Variants in PDE1C observed in about 807,000 individuals in gnomAD.
The protein encoded by PDE1C is phosphodiesterase 1C, also known as dual specificity calcium/calmodulin-dependent 3',5'-cyclic nucleotide phosphodiesterase 1C.
A neutral mutation model predicts 93.1 loss-of-function variants in PDE1C; 62 were observed. The observed-to-expected ratio is 0.67, with a 90% confidence interval of 0.54 to 0.82. The LOEUF is 0.82. PDE1C is among the 40% of genes least tolerant of loss of function. PDE1C has a pLI of 0.00. For missense variants in PDE1C, 742 were observed against 884.6 expected (o/e 0.84, Z 2.04); for synonymous variants, 325 against 310.1 (o/e 1.05, Z -0.50).
intron 3 of PDE1C, among the ~76,000 whole-genome samples, chr7:32,085,048 A>G (rs1291381475): frequency 1.3e-4 from 18 of 134,162 alleles, no homozygotes. Flanking sequence ...CCTTCAAAAA[A>G]TTAATGAATC....
Position 32,377,790 on chromosome 7 carries a change from C to T in PDE1C, c.310+50032G>A, listed in dbSNP as rs905813618. ...ATTTAAATTCAGGTCGGTCTAGTTA[C>T]AAAATTCATGCCCTCCGCCACTATA... On this transcript the variant is annotated intron_variant, in intron 1 of 1. Transcript: ENST00000672256. 2.0e-5 allele frequency among the ~76,000 whole-genome samples: 3 copies of T among 152,042 alleles called. No homozygotes were observed. The East Asian group carries it at 5.8e-4, about 30-fold the overall frequency.
At chr7:32,020,406 T>G (rs563309143) in intron 2 of PDE1C, among the ~76,000 whole-genome samples, 1 of 151,598 alleles carries the variant, frequency 6.6e-6, no homozygotes, top group African/African-American at 2.4e-5. Flanking sequence ...GAAAAAAAAA[T>G]TTTTTTAAGG....
At chr7:32,355,528 C>CCT (rs58439301) in intron 1 of PDE1C, among the ~76,000 whole-genome samples, 38,884 of 151,938 alleles carry the variant, frequency 0.26, 5,500 homozygotes, top group East Asian at 0.53. Context: ...AATCTTTCTC[C>CCT]GTTTCTGCTT....
the PDE1C span, among the ~76,000 whole-genome samples, chr7:31,662,963 A>G: frequency 5.3e-5 from 8 of 152,286 alleles, no homozygotes; most frequent in African/African-American, 4.8e-5. Context: ...TGCAGGATGT[A>G]GTCTTAACTC....
intron 2 of PDE1C, among the ~76,000 whole-genome samples, chr7:32,010,342 T>A (rs1029503072): frequency 6.6e-6 from 1 of 152,140 alleles, no homozygotes. Context: ...CATACACACA[T>A]GAATAGAAAA....
intron 2 of PDE1C, among the ~76,000 whole-genome samples, chr7:31,973,548 A>G (rs6957598): frequency 0.59 from 89,974 of 152,050 alleles, 26,709 homozygotes; most frequent in Middle Eastern, 0.68. Flanking sequence ...GGATAGAATT[A>G]TAACACAATA....
intron 14 of PDE1C, among the ~76,000 whole-genome samples, chr7:31,818,694 A>G (rs544458364): frequency 6.6e-6 from 1 of 152,292 alleles, no homozygotes; most frequent in East Asian, 1.9e-4. Context: ...TTTTTACTAC[A>G]GAGTGGGAAA....
chr7:32,206,325 G>A (rs958585790), intron 2 of PDE1C, among the ~76,000 whole-genome samples: 3 of 152,154 alleles, frequency 2.0e-5, no homozygotes, highest in Admixed American at 6.5e-5. Flanking sequence ...TTCAATCAGC[G>A]TTTTTCTCTA....
At chr7:31,953,540 C>T (rs187181803) in intron 2 of PDE1C, among the ~76,000 whole-genome samples, 249 of 152,300 alleles carry the variant, frequency 1.6e-3, no homozygotes, top group Admixed American at 5.0e-3. Flanking sequence ...GAAGACTCTG[C>T]TTGCTGGATT....
chr7:31,796,522 G>A (rs552954270), intron 16 of PDE1C, among the ~76,000 whole-genome samples: 3 of 151,672 alleles, frequency 2.0e-5, no homozygotes, highest in South Asian at 2.1e-4. Flanking sequence ...TGAAATGGAC[G>A]TTTATTACCA....
chr7:32,415,875 A>C (rs1785266434), intron 1 of PDE1C, among the ~76,000 whole-genome samples: 1 of 152,222 alleles, frequency 6.6e-6, no homozygotes, highest in Admixed American at 6.5e-5. Flanking sequence ...CCTGCAAAAG[A>C]AGAGTGCCCC....
chr7:31,756,574 T>C (rs10215801), intron 17 of PDE1C, among the ~76,000 whole-genome samples: 48,723 of 151,754 alleles, frequency 0.32, 8,546 homozygotes, highest in African/African-American at 0.46. Context: ...TTAAATAAAG[T>C]AGGAACTTCA....
chr7:32,304,813 A>T (rs1173525086), intron 1 of PDE1C, among the ~76,000 whole-genome samples: 1 of 152,162 alleles, frequency 6.6e-6, no homozygotes, highest in African/African-American at 2.4e-5. Flanking sequence ...GACTCAACCC[A>T]TAGTAAACAT....
At chr7:31,710,639 G>A in the PDE1C span, among the ~76,000 whole-genome samples, 1 of 152,162 alleles carries the variant, frequency 6.6e-6, no homozygotes, top group South Asian at 2.1e-4. Flanking sequence ...AGAATAAGAG[G>A]CTGGTTACAT....
chr7:31,988,349 A>G (rs923240418), intron 2 of PDE1C, among the ~76,000 whole-genome samples: 2 of 152,236 alleles, frequency 1.3e-5, no homozygotes, highest in Non-Finnish European at 2.9e-5. Context: ...ACCAAAGGTA[A>G]TAATGCCAAC....
chr7:31,930,076 G>A (rs562214389), intron 2 of PDE1C, among the ~76,000 whole-genome samples: 1 of 151,890 alleles, frequency 6.6e-6, no homozygotes, highest in Non-Finnish European at 1.5e-5. Flanking sequence ...ATGATAAAGG[G>A]GATATCACCA....
intron 1 of PDE1C, among the ~76,000 whole-genome samples, chr7:32,230,903 A>G (rs567017888): frequency 1.3e-5 from 2 of 152,150 alleles, no homozygotes; most frequent in South Asian, 2.1e-4. Flanking sequence ...CTGTGCAACT[A>G]TCTTTTCTTC....
chr7:31,623,734 C>T, the PDE1C span, among the ~76,000 whole-genome samples: 4 of 144,142 alleles, frequency 2.8e-5, no homozygotes, highest in Admixed American at 2.1e-4. Flanking sequence ...CCTCTATCAC[C>T]ACGCCTATTC....
the PDE1C span, among the ~76,000 whole-genome samples, chr7:31,677,543 GATC>G: frequency 4.6e-5 from 7 of 152,192 alleles, no homozygotes; most frequent in African/African-American, 1.2e-4. Flanking sequence ...TAAGGAGAAA[GATC>G]ATATTTTTTT....
Sources: gnomAD v4.1 joint callset for allele counts (sites outside exome capture counted in the v4.1 genomes callset) on GRCh38, gnomAD v4.1.1 for gene constraint, MANE v1.5 for transcripts, NCBI Gene and HGNC (gene_info 2026-07-23, HGNC 2026-07-21) for gene names.